TP53BP1: variants seen among roughly 807,000 people sequenced by gnomAD.
The protein encoded by TP53BP1 is tumor protein p53 binding protein 1.
A neutral mutation model predicts 200.8 loss-of-function variants in TP53BP1; 61 were observed. The observed-to-expected ratio is 0.30, with a 90% CI of 0.25 to 0.38. The LOEUF (loss-of-function observed/expected upper bound fraction) is 0.38. TP53BP1 is among the 10% of genes least tolerant of loss of function. The pLI is 1.00. For synonymous variants in TP53BP1, 822 were observed against 844.3 expected (o/e 0.97, Z 0.46); for missense variants, 2,144 against 2,371.9 (o/e 0.90, Z 2.00).
intron 16 of TP53BP1, among the ~76,000 whole-genome samples, chr15:43,435,447 T>C (rs1413669935): frequency 6.6e-6 from 1 of 152,058 alleles, no homozygotes; most frequent in Non-Finnish European, 1.5e-5. Flanking sequence ...AACCAACATC[T>C]TGGCACCTCT....
At chr15:43,431,977 A>C (rs749865510) in intron 17 of TP53BP1, among the ~76,000 whole-genome samples, 35 of 152,234 alleles carry the variant, frequency 2.3e-4, no homozygotes, top group Non-Finnish European at 3.1e-4. Flanking sequence ...AACTGTAGCA[A>C]TACTACATTT....
At chr15:43,421,692 C>G (rs1209271270) in intron 19 of TP53BP1, 163 bp downstream of exon 19, 1 of 1,077,174 alleles carries the variant, frequency 9.3e-7, no homozygotes, top group East Asian at 2.6e-5. Flanking sequence ...CTACTTCCCA[C>G]ACAAACCCAA....
At chr15:43,427,234 G>C (rs2045561129) in intron 18 of TP53BP1, among the ~76,000 whole-genome samples, 1 of 152,102 alleles carries the variant, frequency 6.6e-6, no homozygotes, top group Non-Finnish European at 1.5e-5. Context: ...TTTGTAATGA[G>C]TCTATAATGA....
At position 43,491,679 on chromosome 15, in the gene TP53BP1, T is replaced by C. The variant is rs2079124690; in HGVS notation, c.361A>G (p.Arg121Gly). 1.2e-6 allele frequency: 2 copies of C among 1,613,024 alleles called. No homozygotes were observed. Among genetic ancestry groups the C allele is most frequent in the African/African-American group, 1.3e-5 (1 of 74,910 alleles). The change falls in exon 4 of 28, where the codon AGG becomes GGG. Residue 121 changes from arginine (R) to glycine (G), a missense_variant. Transcript: ENST00000382044. The part of the protein sequence containing the change: ...QVIEQLPQPN[R>G]TSSVLGMSVE... Reference sequence around the variant, plus strand: ...TCAAACACTGTATACCTGCTTGTCCTGTTTGGCTGAGGTAACTGCTCAATG... The same window carrying C: ...TCAAACACTGTATACCTGCTTGTCCCGTTTGGCTGAGGTAACTGCTCAATG...
chr15:43,428,186 G>C lies in TP53BP1; in HGVS notation c.3676-18C>G. 1 of 1,611,568 alleles carries C rather than the reference G, an allele frequency of 6.2e-7. No homozygotes were observed. The highest frequency in any genetic ancestry group is 8.5e-7 in the Non-Finnish European group (1 of 1,178,318). On this transcript the variant is annotated intron_variant, in intron 17 of 27. Transcript: ENST00000382044. ...TCTTCTCCCTGTGACAGAAAATACA[G>C]AACATAAGCACAGGTCTCACTGCAA...
Position 43,446,552 on chromosome 15 carries a change from C to CACT in TP53BP1, c.2872_2874dup (p.Ser958dup), listed in dbSNP as rs767200615. On this transcript the variant is annotated inframe_insertion, in exon 14 of 28. Transcript: ENST00000382044. The stretch of plus-strand genomic sequence containing the variant: ...TCCACCATGCTTTCAGACATGACAT[C>CACT]ACTGGTTGCTATGGTGCTTTCTGGA... 1.2e-6 allele frequency: 2 copies of CACT among 1,614,052 alleles called. No individual in the cohort carries two copies. The highest frequency in any genetic ancestry group is 1.7e-6 in the Non-Finnish European group (2 of 1,180,044).
chr15:43,480,497 G>A (rs1252838472), intron 5 of TP53BP1, among the ~76,000 whole-genome samples: 3 of 151,962 alleles, frequency 2.0e-5, no homozygotes, highest in Admixed American at 2.0e-4. Flanking sequence ...AAAGATGAAG[G>A]GGGAAAATGT....
chr15:43,421,648 T>C, intron 19 of TP53BP1: 1 of 676,172 alleles, frequency 1.5e-6, no homozygotes, highest in African/African-American at 1.8e-5. Flanking sequence ...GGGGCTGCTT[T>C]GCCAATGAAG....
chr15:43,474,071 G>T (rs926015307), intron 10 of TP53BP1, among the ~76,000 whole-genome samples: 1 of 152,196 alleles, frequency 6.6e-6, no homozygotes, highest in Non-Finnish European at 1.5e-5. Context: ...GCGCCGGTGG[G>T]CTAGCACTGC....
chr15:43,422,690 T>C (rs2045432122), intron 18 of TP53BP1, among the ~76,000 whole-genome samples: 1 of 152,118 alleles, frequency 6.6e-6, no homozygotes, highest in South Asian at 2.1e-4. Flanking sequence ...TAGAAAAGTA[T>C]ATGCAAAAAT....
At chr15:43,450,000 C>T (rs759176120) in intron 12 of TP53BP1, among the ~76,000 whole-genome samples, 4 of 152,278 alleles carry the variant, frequency 2.6e-5, no homozygotes, top group South Asian at 2.1e-4. Flanking sequence ...TTTAAACTTA[C>T]GGAATTTTCC....
Position 43,403,869 on chromosome 15 carries a change from A to G in TP53BP1, c.*3514T>C, listed in dbSNP as rs760596591. 10 of 1,065,908 alleles carry G rather than the reference A, an allele frequency of 9.4e-6. No homozygotes were observed. The highest frequency in any genetic ancestry group is 7.1e-5 in the East Asian group (3 of 42,288). 66.0% of individuals were successfully genotyped at this position (1,065,908 alleles called of 1,614,324 possible). A position where few individuals can be genotyped will look rare whatever the true frequency, so the allele number is the denominator to read the frequency against. ...TGGTTTTGCCAATGGAGAATTCATG[A>G]TCTTTCCTCTGAGTCAGTAAAGCAT... On this transcript the variant is annotated 3_prime_UTR_variant, in exon 28 of 28. Coordinates refer to ENST00000382044, the MANE Select transcript of TP53BP1 (RefSeq NM_001141980.3).
chr15:43,474,415 GA>G (rs1249371115), intron 10 of TP53BP1, among the ~76,000 whole-genome samples: 7 of 147,462 alleles, frequency 4.7e-5, no homozygotes, highest in Non-Finnish European at 1.0e-4. Flanking sequence ...CGAGGGCTGT[GA>G]GGACTGCCAG....
chr15:43,405,547 TAAAC>T lies in TP53BP1; in HGVS notation c.*1832_*1835del, dbSNP rs898249102. ...GTTCAAGCTGTGGGAGATACAGCGGTAAACAAACAATATAGAGCAGAAAGTTAAA... is the reference window on the plus strand; with the variant it reads ...GTTCAAGCTGTGGGAGATACAGCGGTAAACAATATAGAGCAGAAAGTTAAA... On this transcript the variant is annotated 3_prime_UTR_variant, in exon 28 of 28. Coordinates refer to ENST00000382044, the MANE Select transcript of TP53BP1 (RefSeq NM_001141980.3). 2.9e-5 allele frequency: 9 copies of T among 315,380 alleles called. No homozygotes were observed. The East Asian group carries it at 3.4e-4, about 12-fold the overall frequency. 19.5% of individuals were successfully genotyped at this position (315,380 alleles called of 1,614,324 possible). A position where few individuals can be genotyped will look rare whatever the true frequency, so the allele number is the denominator to read the frequency against.
At chr15:43,489,888 A>G (rs2079097006) in intron 4 of TP53BP1, among the ~76,000 whole-genome samples, 1 of 152,140 alleles carries the variant, frequency 6.6e-6, no homozygotes, top group Non-Finnish European at 1.5e-5. Flanking sequence ...GTACAGACAC[A>G]GAGTGTAAAA....
At chr15:43,478,217 G>A (rs2078912231) in intron 7 of TP53BP1, among the ~76,000 whole-genome samples, 1 of 152,076 alleles carries the variant, frequency 6.6e-6, no homozygotes, top group Admixed American at 6.6e-5. Context: ...TCCATTTGAT[G>A]TACCCAAACC....
chr15:43,492,526 T>C, intron 1 of TP53BP1, 58 bp from the exon 2 acceptor site: 2 of 1,440,528 alleles, frequency 1.4e-6, no homozygotes. Context: ...GCTCACGCAG[T>C]CTAAACCTAA....
At chr15:43,476,125 C>T (rs919307376) in intron 8 of TP53BP1, among the ~76,000 whole-genome samples, 8 of 152,174 alleles carry the variant, frequency 5.3e-5, no homozygotes, top group South Asian at 2.1e-4. Flanking sequence ...ATTAGCTGGG[C>T]GTGGTGGTAT....
At chr15:43,409,438 T>C (rs1001324267) in intron 25 of TP53BP1, 5 of 539,098 alleles carry the variant, frequency 9.3e-6, no homozygotes, top group Non-Finnish European at 1.3e-5. Flanking sequence ...AACAGAACCA[T>C]AGCCATTAAC....
Sources: allele counts gnomAD v4.1 joint callset (sites outside exome capture counted in the v4.1 genomes callset), GRCh38; gene constraint gnomAD v4.1.1; transcripts MANE v1.5; gene names NCBI Gene and HGNC (gene_info 2026-07-23, HGNC 2026-07-21).